The following PHLPP2 variants were observed in gnomAD, a reference collection of about 807,000 sequenced individuals.
The protein encoded by PHLPP2 is PH domain and leucine rich repeat protein phosphatase 2.
PHLPP2 carries 66 observed loss-of-function variants against 124.9 expected under a neutral mutation model. That is an observed-to-expected ratio of 0.53 (90% CI 0.43 to 0.65). The LOEUF (loss-of-function observed/expected upper bound fraction) is 0.65. Ranked by LOEUF, PHLPP2 falls within the 30% of genes least tolerant of loss-of-function variation. The probability of loss-of-function intolerance (pLI) is 0.00; values close to 1 mark genes in which losing one functional copy is unlikely to be tolerated. For synonymous variants in PHLPP2, 681 were observed against 624.7 expected (o/e 1.09, Z -1.34); for missense variants, 1,685 against 1,600.4 (o/e 1.05, Z -0.90).
At chr16:71,714,852 T>C in intron 1 of PHLPP2, 51 bp from the exon 2 acceptor site, 2 of 1,566,518 alleles carry the variant, frequency 1.3e-6, no homozygotes, top group South Asian at 2.4e-5. Context: ...CTGACTGAAT[T>C]AGACATTTCA....
At chr16:71,692,834 T>A (rs2045128855) in intron 3 of PHLPP2, among the ~76,000 whole-genome samples, 1 of 152,224 alleles carries the variant, frequency 6.6e-6, no homozygotes. Flanking sequence ...TTTTTTATTT[T>A]TTTAAAATAT....
chr16:71,710,401 A>G (rs2045316016), intron 2 of PHLPP2, among the ~76,000 whole-genome samples: 1 of 152,238 alleles, frequency 6.6e-6, no homozygotes, highest in Non-Finnish European at 1.5e-5. Flanking sequence ...ATAAAGTAGT[A>G]ATGAATAACT....
intron 5 of PHLPP2, 30 bp downstream of exon 5, chr16:71,684,440 CTTATCT>C (rs1183695401): frequency 6.2e-7 from 1 of 1,611,222 alleles, no homozygotes. Context: ...GTTCTCTATT[CTTATCT>C]CCACATCAGA....
At chr16:71,710,998 A>T (rs2045320111) in intron 2 of PHLPP2, among the ~76,000 whole-genome samples, 1 of 151,658 alleles carries the variant, frequency 6.6e-6, no homozygotes, top group African/African-American at 2.4e-5. Context: ...GTAACTATTA[A>T]AACTGGTGTC....
At chr16:71,690,803 C>T (rs906783223) in intron 3 of PHLPP2, 94 bp from the exon 4 acceptor site, 10 of 812,362 alleles carry the variant, frequency 1.2e-5, no homozygotes, top group South Asian at 9.0e-5. Flanking sequence ...CATTCAACAA[C>T]CTTATTTATA....
chr16:71,671,416 C>T (rs1387855678), intron 10 of PHLPP2, among the ~76,000 whole-genome samples: 2 of 152,012 alleles, frequency 1.3e-5, no homozygotes, highest in African/African-American at 4.8e-5. Context: ...CCTGTACTCA[C>T]AGCACTTAGG....
intron 7 of PHLPP2, 51 bp from the exon 8 acceptor site, chr16:71,679,036 T>G (rs977453026): frequency 3.0e-6 from 3 of 1,003,280 alleles, no homozygotes; most frequent in Non-Finnish European, 1.6e-6. Flanking sequence ...TTCACTGGAA[T>G]GCACAGAATC....
chr16:71,700,256 T>A (rs1476783755), intron 3 of PHLPP2, among the ~76,000 whole-genome samples: 1 of 151,862 alleles, frequency 6.6e-6, no homozygotes, highest in Non-Finnish European at 1.5e-5. Flanking sequence ...AATACAAAAA[T>A]TAGCCAGGTG....
In PHLPP2 at chr16:71,678,876, T is replaced by C. The variant is rs1018484160; in HGVS notation, c.1147A>G (p.Ile383Val). 4 of 1,612,104 alleles carry C rather than the reference T, an allele frequency of 2.5e-6. No homozygotes were observed. Among genetic ancestry groups the C allele is most frequent in the South Asian group, 1.1e-5 (1 of 91,022 alleles). ...GTGAGTTTCTCATAAACCTCAGGAA[T>C]TTGACTAAAGTTGTTGAAGGAAATT... is the stretch of plus-strand genomic sequence containing the variant. ...LGISFNNFSQ[I>V]PEVYEKLTML... is the part of the protein sequence containing the mutation. Residue 383 changes from isoleucine (I) to valine (V), a missense_variant, in exon 8 of 19, where the codon ATT (isoleucine) becomes GTT (valine). Transcript: ENST00000568954.
intron 6 of PHLPP2, 71 bp from the exon 7 acceptor site, chr16:71,679,606 A>G: frequency 7.7e-7 from 1 of 1,294,426 alleles, no homozygotes; most frequent in Non-Finnish European, 1.1e-6. Flanking sequence ...AAGGGACATC[A>G]ACGGCCTTTG....
intron 1 of PHLPP2, chr16:71,715,608 G>A (rs1485696045): frequency 6.6e-6 from 1 of 151,986 alleles, no homozygotes; most frequent in African/African-American, 2.4e-5. Flanking sequence ...GAACCTGGGA[G>A]GCAGAGGTTT....
intron 4 of PHLPP2, among the ~76,000 whole-genome samples, chr16:71,687,362 A>C (rs1281456557): frequency 1.3e-5 from 2 of 152,198 alleles, no homozygotes; most frequent in African/African-American, 4.8e-5. Flanking sequence ...CTATTAATAT[A>C]ACCACACCAG....
intron 17 of PHLPP2, 81 bp downstream of exon 17, chr16:71,655,159 T>C: frequency 1.1e-6 from 1 of 899,930 alleles, no homozygotes; most frequent in Non-Finnish European, 1.8e-6. Context: ...ATCCATAATT[T>C]AGACCCTGAC....
intron 10 of PHLPP2, among the ~76,000 whole-genome samples, chr16:71,669,785 C>T (rs1388425143): frequency 2.6e-5 from 4 of 152,144 alleles, no homozygotes; most frequent in African/African-American, 7.2e-5. Context: ...AGAATGAATA[C>T]AAGTGAGACA....
At chr16:71,675,130 C>T (rs2044934652) in intron 9 of PHLPP2, among the ~76,000 whole-genome samples, 1 of 152,194 alleles carries the variant, frequency 6.6e-6, no homozygotes. Flanking sequence ...GTCTCGACAT[C>T]TCTAACACTG....
intron 5 of PHLPP2, among the ~76,000 whole-genome samples, chr16:71,683,346 T>C (rs188084256): frequency 9.2e-5 from 14 of 152,310 alleles, no homozygotes; most frequent in African/African-American, 3.4e-4. Context: ...AAAGACTAAT[T>C]ATCCTTGGCA....
intron 2 of PHLPP2, among the ~76,000 whole-genome samples, chr16:71,703,846 A>G (rs1189404378): frequency 6.6e-6 from 1 of 152,240 alleles, no homozygotes; most frequent in African/African-American, 2.4e-5. Context: ...CACATGTAGT[A>G]AGTGTTCAGT....
intron 3 of PHLPP2, among the ~76,000 whole-genome samples, chr16:71,700,453 C>A (rs2045219885): frequency 6.6e-6 from 1 of 150,774 alleles, no homozygotes; most frequent in Non-Finnish European, 1.5e-5. Flanking sequence ...AATTCTTTGA[C>A]ACTCCTTTCA....
intron 8 of PHLPP2, chr16:71,678,131 C>T (rs987643874): frequency 1.3e-5 from 2 of 152,142 alleles, no homozygotes; most frequent in African/African-American, 4.8e-5. Flanking sequence ...GAGTTCAAGA[C>T]CAGCCTGGGC....
Sources: allele counts gnomAD v4.1 joint callset (sites outside exome capture counted in the v4.1 genomes callset), GRCh38; gene constraint gnomAD v4.1.1; transcripts MANE v1.5; gene names NCBI Gene and HGNC (gene_info 2026-07-23, HGNC 2026-07-21).